The following OSBPL1A variants were observed in gnomAD, a reference collection of about 807,000 sequenced individuals.
OSBPL1A encodes the protein oxysterol-binding protein-related protein 1.
Under a neutral mutation model 137.1 loss-of-function variants are expected in OSBPL1A, and 80 were observed. The observed-to-expected ratio is 0.58, with a 90% CI of 0.49 to 0.70. The LOEUF is 0.70. Ranked by LOEUF, OSBPL1A falls within the 30% of genes least tolerant of loss-of-function variation. The pLI is 0.00. For missense variants in OSBPL1A, 970 were observed against 1,129.4 expected (o/e 0.86, Z 2.02); for synonymous variants, 365 against 389.7 (o/e 0.94, Z 0.75).
chr18:24,327,488 C>T (rs1200361813), intron 7 of OSBPL1A, among the ~76,000 whole-genome samples: 1 of 152,184 alleles, frequency 6.6e-6, no homozygotes, highest in African/African-American at 2.4e-5. Context: ...CAGCTCACTG[C>T]AACCTCCGTC....
At chr18:24,379,289 G>A (rs985776917) in intron 1 of OSBPL1A, among the ~76,000 whole-genome samples, 1 of 152,276 alleles carries the variant, frequency 6.6e-6, no homozygotes, top group Middle Eastern at 3.4e-3. Flanking sequence ...AGAGGCCGAG[G>A]CGGGTGGACC....
intron 3 of OSBPL1A, chr18:24,368,018 GA>G (rs1905284847): frequency 4.1e-6 from 1 of 245,448 alleles, no homozygotes; most frequent in Non-Finnish European, 7.8e-6. Flanking sequence ...ACTCAGAACT[GA>G]AAATAAAATC....
chr18:24,194,158 G>A (rs546882391), intron 18 of OSBPL1A, among the ~76,000 whole-genome samples: 2 of 152,304 alleles, frequency 1.3e-5, no homozygotes, highest in East Asian at 3.9e-4. Context: ...ATATTCTAAA[G>A]TGGCCAAAAA....
intron 13 of OSBPL1A, among the ~76,000 whole-genome samples, chr18:24,307,232 G>C (rs2090521240): frequency 6.6e-6 from 1 of 152,170 alleles, no homozygotes; most frequent in East Asian, 1.9e-4. Flanking sequence ...GCAGTGAGCT[G>C]TGATCACACC....
intron 18 of OSBPL1A, among the ~76,000 whole-genome samples, chr18:24,188,191 T>C (rs2086799570): frequency 6.6e-6 from 1 of 152,250 alleles, no homozygotes; most frequent in Admixed American, 6.5e-5. Context: ...AAAGAGATTC[T>C]GCTTTGTTTT....
intron 5 of OSBPL1A, among the ~76,000 whole-genome samples, chr18:24,339,629 G>C (rs1042967755): frequency 2.0e-5 from 3 of 152,106 alleles, no homozygotes; most frequent in African/African-American, 7.2e-5. Flanking sequence ...CTCAGTTCTG[G>C]GTTCTCTTCT....
intron 4 of OSBPL1A, among the ~76,000 whole-genome samples, chr18:24,356,536 G>A (rs772673292): frequency 1.3e-5 from 2 of 152,090 alleles, no homozygotes; most frequent in South Asian, 2.1e-4. Flanking sequence ...TCTGGCTCAC[G>A]GTGCGGGTGC....
At chr18:24,194,540 C>T (rs1309582264) in intron 18 of OSBPL1A, among the ~76,000 whole-genome samples, 2 of 152,084 alleles carry the variant, frequency 1.3e-5, no homozygotes, top group South Asian at 2.1e-4. Context: ...AAGAGACAAA[C>T]GTGTGTTACT....
At chr18:24,283,322 A>AC (rs2090003314) in intron 14 of OSBPL1A, among the ~76,000 whole-genome samples, 1 of 145,050 alleles carries the variant, frequency 6.9e-6, no homozygotes, top group Non-Finnish European at 1.5e-5. Context: ...ATACACACAC[A>AC]CACAGACACA....
At chr18:24,211,057 C>T (rs1258893735) in intron 17 of OSBPL1A, among the ~76,000 whole-genome samples, 3 of 152,120 alleles carry the variant, frequency 2.0e-5, no homozygotes, top group Non-Finnish European at 2.9e-5. Flanking sequence ...CCTCTGCCTC[C>T]CGGGTTCAAG....
chr18:24,169,591 A>G (rs2086226232), intron 24 of OSBPL1A, among the ~76,000 whole-genome samples: 1 of 152,226 alleles, frequency 6.6e-6, no homozygotes, highest in South Asian at 2.1e-4. Context: ...GAGATGAGAA[A>G]TCTCGGCTTG....
At chr18:24,169,945 A>G (rs2086235728) in intron 24 of OSBPL1A, among the ~76,000 whole-genome samples, 1 of 152,260 alleles carries the variant, frequency 6.6e-6, no homozygotes, top group African/African-American at 2.4e-5. Flanking sequence ...AAAACTGATG[A>G]TAAGCATGAA....
chr18:24,192,829 A>G (rs546842095), intron 18 of OSBPL1A, among the ~76,000 whole-genome samples: 75 of 152,342 alleles, frequency 4.9e-4, no homozygotes, highest in Admixed American at 3.3e-3. Flanking sequence ...ATTTTGAATA[A>G]TAATAGCATT....
intron 15 of OSBPL1A, among the ~76,000 whole-genome samples, chr18:24,257,554 A>T (rs942814273): frequency 1.3e-5 from 2 of 152,208 alleles, no homozygotes; most frequent in African/African-American, 4.8e-5. Flanking sequence ...GAAACTCTCC[A>T]GGACATTGGT....
At chr18:24,191,375 C>G (rs1599465110) in intron 18 of OSBPL1A, among the ~76,000 whole-genome samples, 1 of 152,232 alleles carries the variant, frequency 6.6e-6, no homozygotes, top group South Asian at 2.1e-4. Context: ...CCAAAAAACT[C>G]CTACTCCCAT....
At chr18:24,295,508 A>G (rs1203993787) in intron 14 of OSBPL1A, among the ~76,000 whole-genome samples, 1 of 152,116 alleles carries the variant, frequency 6.6e-6, no homozygotes, top group African/African-American at 2.4e-5. Flanking sequence ...AGTTTTTCCA[A>G]TATTATCTTC....
At chr18:24,224,464 C>T (rs192809598) in intron 17 of OSBPL1A, among the ~76,000 whole-genome samples, 172 of 152,216 alleles carry the variant, frequency 1.1e-3, no homozygotes, top group African/African-American at 4.0e-3. Context: ...AATCAGAGAA[C>T]TGTGGGTATC....
At chr18:24,253,924 T>C (rs1327230456) in intron 15 of OSBPL1A, among the ~76,000 whole-genome samples, 4 of 152,200 alleles carry the variant, frequency 2.6e-5, no homozygotes, top group Non-Finnish European at 1.5e-5. Flanking sequence ...AATTTGTTAG[T>C]CTTGCAAGGG....
At chr18:24,397,263 C>G (rs1257579902) in intron 1 of OSBPL1A, among the ~76,000 whole-genome samples, 2 of 152,224 alleles carry the variant, frequency 1.3e-5, no homozygotes, top group African/African-American at 4.8e-5. Flanking sequence ...TTCCATTGTG[C>G]ATCAATCCTC....
Sources: allele counts gnomAD v4.1 joint callset (sites outside exome capture counted in the v4.1 genomes callset), GRCh38; gene constraint gnomAD v4.1.1; transcripts MANE v1.5; gene names NCBI Gene and HGNC (gene_info 2026-07-23, HGNC 2026-07-21).